The following NCAM2 variants were observed in gnomAD, a reference collection of about 807,000 sequenced individuals.
NCAM2 encodes the protein neural cell adhesion molecule 2, also known as N-CAM-2.
Under a neutral mutation model 98.1 loss-of-function variants are expected in NCAM2, and 30 were observed. The observed-to-expected ratio is 0.31, with a 90% CI of 0.23 to 0.41. NCAM2 has a LOEUF of 0.41. Ranked by LOEUF, NCAM2 falls within the 10% of genes least tolerant of loss-of-function variation. The pLI, the probability that NCAM2 is intolerant of heterozygous loss-of-function variation, is 1.00. For missense variants in NCAM2, 867 were observed against 1,005.8 expected (o/e 0.86, Z 1.87); for synonymous variants, 368 against 342.4 (o/e 1.07, Z -0.83).
intron 4 of NCAM2, among the ~76,000 whole-genome samples, chr21:21,291,849 A>T (rs2073308076): frequency 6.6e-6 from 1 of 151,534 alleles, no homozygotes; most frequent in African/African-American, 2.4e-5. Flanking sequence ...TAGCCTAACC[A>T]TTTTATGTGG....
At chr21:21,240,951 TAAG>T (rs1223911965) in intron 1 of NCAM2, among the ~76,000 whole-genome samples, 2 of 152,154 alleles carry the variant, frequency 1.3e-5, no homozygotes, top group African/African-American at 4.8e-5. Flanking sequence ...GATGGTGTTT[TAAG>T]AACATCATTA....
chr21:21,300,590 G>A (rs1255971730), intron 5 of NCAM2, among the ~76,000 whole-genome samples: 4 of 152,000 alleles, frequency 2.6e-5, no homozygotes, highest in Non-Finnish European at 5.9e-5. Context: ...ATTTATGTGT[G>A]ACATTATCTC....
At chr21:21,460,802 A>T (rs961145481) in intron 12 of NCAM2, among the ~76,000 whole-genome samples, 1 of 151,930 alleles carries the variant, frequency 6.6e-6, no homozygotes, top group Non-Finnish European at 1.5e-5. Flanking sequence ...TGTGATCAAT[A>T]ACTGAGAAAA....
chr21:21,432,818 C>T (rs756028324), intron 12 of NCAM2, among the ~76,000 whole-genome samples: 16 of 151,942 alleles, frequency 1.1e-4, no homozygotes, highest in Non-Finnish European at 1.5e-4. Flanking sequence ...ATTTCATCGT[C>T]TTATGAAAAT....
chr21:21,185,275 T>G (rs1430676377), intron 1 of NCAM2, among the ~76,000 whole-genome samples: 1 of 152,186 alleles, frequency 6.6e-6, no homozygotes, highest in Non-Finnish European at 1.5e-5. Context: ...GATGTCATTT[T>G]TGTTCTATAC....
At chr21:21,076,781 T>C (rs2065690071) in intron 1 of NCAM2, among the ~76,000 whole-genome samples, 2 of 152,222 alleles carry the variant, frequency 1.3e-5, no homozygotes, top group Admixed American at 6.5e-5. Context: ...TGGCTTCAGC[T>C]GGTCTTTTGT....
At position 21,520,171 on chromosome 21, in the gene NCAM2, A is replaced by G. The variant is rs9978124; in HGVS notation, c.2282+11116A>G. 3.2e-3 allele frequency among the ~76,000 whole-genome samples: 491 copies of G among 152,300 alleles called. 5 individuals carry two copies. The highest frequency in any genetic ancestry group is 0.012 in the African/African-American group (481 of 41,590). On this transcript the variant is annotated intron_variant, in intron 16 of 17. Transcript: ENST00000400546. Reference sequence around the variant, plus strand: ...TATTAAAAATATTTATTAAACATCTATACAACAAGAGACAACTCTAACTTC... The same window carrying G: ...TATTAAAAATATTTATTAAACATCTGTACAACAAGAGACAACTCTAACTTC...
chr21:21,450,161 C>T (rs898180101), intron 12 of NCAM2, among the ~76,000 whole-genome samples: 1 of 151,790 alleles, frequency 6.6e-6, no homozygotes, highest in African/African-American at 2.4e-5. Flanking sequence ...TTCAATTCAT[C>T]TAATCAAATA....
intron 1 of NCAM2, among the ~76,000 whole-genome samples, chr21:21,023,177 G>A (rs530100825): frequency 6.6e-6 from 1 of 152,174 alleles, no homozygotes; most frequent in Admixed American, 6.5e-5. Flanking sequence ...GGAATAAGAT[G>A]GGATATACTA....
chr21:21,466,802 G>C, intron 13 of NCAM2, 77 bp downstream of exon 13: 2 of 1,430,104 alleles, frequency 1.4e-6, no homozygotes, highest in Non-Finnish European at 1.9e-6. Context: ...TAAAATGTAG[G>C]GAGATGTTTC....
At chr21:21,526,685 T>G (rs1371358185) in intron 16 of NCAM2, among the ~76,000 whole-genome samples, 1 of 152,132 alleles carries the variant, frequency 6.6e-6, no homozygotes, top group East Asian at 1.9e-4. Context: ...ATATTGAAAG[T>G]GTAAATGTGT....
At chr21:21,384,755 A>G (rs962079151) in intron 9 of NCAM2, among the ~76,000 whole-genome samples, 1 of 152,060 alleles carries the variant, frequency 6.6e-6, no homozygotes, top group Non-Finnish European at 1.5e-5. Flanking sequence ...TTATATAAAT[A>G]TGCTAGTGAA....
chr21:21,331,517 C>CTCTCTCTCTATATATATATATA (rs1483062198), intron 6 of NCAM2, among the ~76,000 whole-genome samples: 4 of 6,938 alleles, frequency 5.8e-4, no homozygotes, highest in South Asian at 7.7e-3. Context: ...CTCTCTCTCT[C>CTCTCTCTCTATATATATATATA]TATATATATA....
intron 1 of NCAM2, among the ~76,000 whole-genome samples, chr21:21,105,369 G>C (rs2066323723): frequency 6.6e-6 from 1 of 152,074 alleles, no homozygotes; most frequent in African/African-American, 2.4e-5. Context: ...AAGGGGCATA[G>C]AATGAATCAG....
intron 16 of NCAM2, among the ~76,000 whole-genome samples, chr21:21,521,519 A>C (rs1429978896): frequency 6.6e-6 from 1 of 152,210 alleles, no homozygotes; most frequent in Admixed American, 6.5e-5. Context: ...TAACATGCTA[A>C]GAACTCTAAC....
At chr21:21,013,554 G>C (rs533599981) in intron 1 of NCAM2, among the ~76,000 whole-genome samples, 1 of 152,242 alleles carries the variant, frequency 6.6e-6, no homozygotes, top group South Asian at 2.1e-4. Context: ...GGCTGAAGTG[G>C]GCAGATCATT....
At chr21:21,410,833 C>A (rs1024593032) in intron 10 of NCAM2, among the ~76,000 whole-genome samples, 6 of 149,630 alleles carry the variant, frequency 4.0e-5, no homozygotes, top group African/African-American at 4.9e-5. Context: ...ATGGTGAAAC[C>A]CTGTCTCTAC....
intron 1 of NCAM2, among the ~76,000 whole-genome samples, chr21:21,044,925 T>G (rs1051576604): frequency 6.6e-6 from 1 of 152,190 alleles, no homozygotes; most frequent in Non-Finnish European, 1.5e-5. Context: ...TGCATGTTTG[T>G]ATGTATGTGT....
At chr21:21,378,841 T>C (rs2076089278) in intron 9 of NCAM2, among the ~76,000 whole-genome samples, 2 of 152,114 alleles carry the variant, frequency 1.3e-5, no homozygotes, top group Non-Finnish European at 2.9e-5. Context: ...AATACTATTC[T>C]CTGGAATAAA....
Sources: gnomAD v4.1 joint callset for allele counts (sites outside exome capture counted in the v4.1 genomes callset) on GRCh38, gnomAD v4.1.1 for gene constraint, MANE v1.5 for transcripts, NCBI Gene and HGNC (gene_info 2026-07-23, HGNC 2026-07-21) for gene names.